The following TBXAS1 variants were observed in gnomAD, a reference collection of about 807,000 sequenced individuals.
TBXAS1 encodes thromboxane-A synthase.
A neutral mutation model predicts 60.7 loss-of-function variants in TBXAS1; 48 were observed. The ratio of observed to expected loss-of-function variants is 0.79; its 90% confidence interval spans 0.63 to 1.01. TBXAS1 has a LOEUF of 1.01. Among genes scored for constraint, TBXAS1 ranks in the 50% least tolerant of loss-of-function variants. The pLI is 0.00. For synonymous variants in TBXAS1, 287 were observed against 269.7 expected (o/e 1.06, Z -0.63); for missense variants, 685 against 686.3 (o/e 1.00, Z 0.02).
At chr7:140,000,840 G>A (rs772647073) in intron 9 of TBXAS1, among the ~76,000 whole-genome samples, 2 of 152,152 alleles carry the variant, frequency 1.3e-5, no homozygotes, top group Non-Finnish European at 2.9e-5. Flanking sequence ...AGAGCAGAGC[G>A]CCTCATGTTG....
At chr7:139,982,500 G>C (rs892189690) in intron 9 of TBXAS1, among the ~76,000 whole-genome samples, 1 of 152,124 alleles carries the variant, frequency 6.6e-6, no homozygotes, top group Non-Finnish European at 1.5e-5. Flanking sequence ...ACAGTACCAG[G>C]GGTATTATAG....
intron 3 of TBXAS1, among the ~76,000 whole-genome samples, chr7:139,899,660 T>C (rs1804421226): frequency 6.6e-6 from 1 of 152,244 alleles, no homozygotes. Flanking sequence ...AAGGAGTCTA[T>C]ATGTAAGTTT....
At chr7:139,865,680 A>AGAGGAGGAGGAGGAAGAGGAG (rs1801322930) in intron 1 of TBXAS1, among the ~76,000 whole-genome samples, 2 of 15,792 alleles carry the variant, frequency 1.3e-4, no homozygotes, top group East Asian at 5.1e-3. Flanking sequence ...AGGAGGAGGA[A>AGAGGAGGAGGAGGAAGAGGAG]GAGGAGGAGG....
intron 4 of TBXAS1, among the ~76,000 whole-genome samples, chr7:139,815,243 G>A (rs550939093): frequency 6.6e-6 from 1 of 152,334 alleles, no homozygotes; most frequent in South Asian, 2.1e-4. Flanking sequence ...GAAAGAGAGA[G>A]AGCGAGACAG....
chr7:139,866,305 G>C (rs59445537), intron 1 of TBXAS1, among the ~76,000 whole-genome samples: 3,741 of 152,122 alleles, frequency 0.025, 104 homozygotes, highest in African/African-American at 0.065. Flanking sequence ...TAGAAAACAC[G>C]CTAAGTATTT....
chr7:139,987,441 C>T (rs531686147), intron 9 of TBXAS1, among the ~76,000 whole-genome samples: 8 of 152,220 alleles, frequency 5.3e-5, no homozygotes, highest in African/African-American at 1.9e-4. Context: ...TAAGACTGGC[C>T]GACAGCTCTG....
At chr7:139,818,312 A>T (rs957670622) in intron 4 of TBXAS1, among the ~76,000 whole-genome samples, 2 of 152,296 alleles carry the variant, frequency 1.3e-5, no homozygotes, top group African/African-American at 4.8e-5. Flanking sequence ...GTGCAGGTAC[A>T]AGTCAGACTG....
chr7:140,014,355 G>C (rs1442132123), intron 10 of TBXAS1, among the ~76,000 whole-genome samples: 1 of 152,180 alleles, frequency 6.6e-6, no homozygotes, highest in East Asian at 1.9e-4. Flanking sequence ...GGATTCTGTG[G>C]ACCGCCCAGG....
intron 9 of TBXAS1, among the ~76,000 whole-genome samples, chr7:139,996,500 G>A (rs1179829852): frequency 6.6e-6 from 1 of 152,180 alleles, no homozygotes. Flanking sequence ...CCCAGGTGGG[G>A]TGGTGGAGGG....
chr7:139,907,971 C>A (rs1805236984), intron 3 of TBXAS1, among the ~76,000 whole-genome samples: 1 of 151,924 alleles, frequency 6.6e-6, no homozygotes, highest in African/African-American at 2.4e-5. Context: ...AGACCCTTAT[C>A]CTTTTAGTAG....
intron 1 of TBXAS1, among the ~76,000 whole-genome samples, chr7:139,847,356 CCCGCTAAG>C (rs1799887780): frequency 6.6e-6 from 1 of 151,694 alleles, no homozygotes; most frequent in African/African-American, 2.4e-5. Context: ...GTAAATAAGC[CCCGCTAAG>C]CCATACTCTA....
chr7:139,926,649 A>G (rs988098555), intron 4 of TBXAS1, among the ~76,000 whole-genome samples: 34 of 150,408 alleles, frequency 2.3e-4, no homozygotes, highest in East Asian at 9.9e-4. Flanking sequence ...TGTGATCTTT[A>G]TTCTTTTTTT....
chr7:139,962,517 A>C (rs1392651195), intron 9 of TBXAS1: 4 of 399,150 alleles, frequency 1.0e-5, no homozygotes, highest in Non-Finnish European at 1.9e-5. Flanking sequence ...AAGCCCAGGA[A>C]GGTGTCAGGC....
At chr7:139,818,150 G>A (rs181169025) in intron 4 of TBXAS1, among the ~76,000 whole-genome samples, 1 of 152,296 alleles carries the variant, frequency 6.6e-6, no homozygotes, top group East Asian at 1.9e-4. Flanking sequence ...GGCAGGACAC[G>A]GATCGACAAT....
chr7:139,980,776 G>A (rs2117507481), intron 9 of TBXAS1, among the ~76,000 whole-genome samples: 1 of 151,814 alleles, frequency 6.6e-6, no homozygotes, highest in East Asian at 2.0e-4. Flanking sequence ...CCTGAGCCTG[G>A]CCTGGCATTC....
In TBXAS1 at chr7:139,905,053, TTCTTTC is replaced by T. The variant is rs879484821; in HGVS notation, c.237-6168_237-6163del. On this transcript the variant is annotated intron_variant, in intron 3 of 12. Transcript: ENST00000448866. ...TTTCTTTCTTTCTTTCTTTCTTTCT[TTCTTTC>T]TCTCTCTCTCTCTCTCTTTCTCTTT... Among the ~76,000 whole-genome samples the T allele has an allele frequency of 4.6e-3, 427 of 93,134 alleles. 3 individuals carry two copies. Among genetic ancestry groups the T allele is most frequent in the Non-Finnish European group, 6.4e-3 (314 of 49,010 alleles). 61.1% of individuals were successfully genotyped at this position (93,134 alleles called of 152,430 possible).
Position 139,852,440 on chromosome 7 carries a change from G to A in TBXAS1, c.90-19795G>A, listed in dbSNP as rs1800284952. On this transcript the variant is annotated intron_variant, in intron 1 of 12. Transcript: ENST00000448866. The surrounding 1 kb of genome is among the most constrained non-coding windows in gnomAD (Gnocchi z 4.4). ...GGTGAGAGCCAGAAGCAAACACACT[G>A]AGGAACAACGGGCACTGAGATTCAG... is the stretch of plus-strand genomic sequence containing the variant. Among the ~76,000 whole-genome samples, 1 of 152,182 alleles carries A rather than the reference G, an allele frequency of 6.6e-6. No homozygotes were observed. Among genetic ancestry groups the A allele is most frequent in the Non-Finnish European group, 1.5e-5 (1 of 68,038 alleles).
rs916473722 is a variant in TBXAS1 at position 139,778,774 on chromosome 7, C to T, written c.-318+303C>T. On this transcript the variant is annotated intron_variant, in intron 1 of 16. Coordinates refer to the TBXAS1 transcript ENST00000336425. This position sits in a 1 kb window ranked among gnomAD's most constrained non-coding sequence, Gnocchi z 4.8. ...TCAGCGCTCTCTCCTATCAGGGCTT[C>T]CGCTAAACACTCTCCAGACTCTCCC... Among the ~76,000 whole-genome samples the T allele has an allele frequency of 6.6e-6, 1 of 152,168 alleles. No individual in the cohort carries two copies. Among genetic ancestry groups the T allele is most frequent in the Non-Finnish European group, 1.5e-5 (1 of 68,028 alleles).
intron 3 of TBXAS1, among the ~76,000 whole-genome samples, chr7:139,893,410 G>C (rs987933488): frequency 6.6e-6 from 1 of 150,944 alleles, no homozygotes; most frequent in African/African-American, 2.4e-5. Flanking sequence ...TGGGCATAAC[G>C]TGTGGGCAAA....
Sources: allele counts gnomAD v4.1 joint callset (sites outside exome capture counted in the v4.1 genomes callset), GRCh38; gene constraint gnomAD v4.1.1; non-coding constraint Gnocchi (gnomAD v3.1); transcripts MANE v1.5; gene names NCBI Gene and HGNC (gene_info 2026-07-23, HGNC 2026-07-21).